The following CAMK4 variants were observed in gnomAD, a reference collection of about 807,000 sequenced individuals.
The protein encoded by CAMK4 is calcium/calmodulin-dependent protein kinase type IV.
A neutral mutation model predicts 44.9 loss-of-function variants in CAMK4; 22 were observed. The ratio of observed to expected loss-of-function variants is 0.49; its 90% CI spans 0.35 to 0.70. CAMK4 has a LOEUF of 0.70. CAMK4 is among the 30% of genes least tolerant of loss of function. The pLI is 0.01. For synonymous variants in CAMK4, 218 were observed against 215.4 expected (o/e 1.01, Z -0.11); for missense variants, 498 against 586.8 (o/e 0.85, Z 1.56).
At chr5:111,355,486 TTTTA>T (rs143763443) in intron 2 of CAMK4, among the ~76,000 whole-genome samples, 3,559 of 146,886 alleles carry the variant, frequency 0.024, 49 homozygotes, top group African/African-American at 0.036. Context: ...TCTGCATTCT[TTTTA>T]TTTATTTATT....
intron 1 of CAMK4, among the ~76,000 whole-genome samples, chr5:111,246,955 AT>A (rs1749269290): frequency 2.6e-5 from 4 of 152,168 alleles, no homozygotes; most frequent in Non-Finnish European, 4.4e-5. Flanking sequence ...GTATCTCATT[AT>A]AGTTATGATG....
In CAMK4 at chr5:111,482,986, T is replaced by A. The variant is rs1397339187; in HGVS notation, c.981+49T>A. ...TGTTTTGTTTTGTTTTCAAAAAATT[T>A]ATCTCATCTTGATCTATCAATAATA... On this transcript the variant is annotated intron_variant, in intron 10 of 10. Transcript: ENST00000282356. The surrounding 1 kb of genome is among the most constrained non-coding windows in gnomAD (Gnocchi z 4.9). 1 of 1,471,602 alleles carries A rather than the reference T, an allele frequency of 6.8e-7. No homozygotes were observed. Among genetic ancestry groups the A allele is most frequent in the Non-Finnish European group, 9.2e-7 (1 of 1,085,448 alleles). The allele number at this position is 1,471,602 out of a possible 1,614,324, so 91.2% of individuals were successfully genotyped here. A position where few individuals can be genotyped will look rare whatever the true frequency, so the allele number is the denominator to read the frequency against.
intron 7 of CAMK4, among the ~76,000 whole-genome samples, chr5:111,466,043 A>C (rs1754816037): frequency 6.6e-6 from 1 of 152,240 alleles, no homozygotes; most frequent in African/African-American, 2.4e-5. Flanking sequence ...GGATGGTTTA[A>C]CATATGCAAG....
rs1755879578 is a variant in CAMK4, at chr5:111,492,402, T to G, written c.*7936T>G. The G allele has an allele frequency of 6.6e-6, 1 of 152,212 alleles. No homozygotes were observed. The allele number at this position is 152,212 out of a possible 1,614,324, so 9.4% of individuals were successfully genotyped here. ...AACTCAGAACAAAAGATATCAATCT[T>G]CTGCCAGTCCGCATCATTATGTGTA... On this transcript the variant is annotated 3_prime_UTR_variant, in exon 11 of 11. Coordinates refer to ENST00000282356, the MANE Select transcript of CAMK4 (RefSeq NM_001744.6).
intron 1 of CAMK4, among the ~76,000 whole-genome samples, chr5:111,341,024 A>T: frequency 6.6e-6 from 1 of 150,740 alleles, no homozygotes; most frequent in Non-Finnish European, 1.5e-5. Context: ...TAGTCTCTTA[A>T]GACCCTTTAC....
intron 1 of CAMK4, among the ~76,000 whole-genome samples, chr5:111,259,857 T>C (rs568992914): frequency 1.3e-5 from 2 of 152,172 alleles, no homozygotes; most frequent in African/African-American, 4.8e-5. Flanking sequence ...TGACAGGTTC[T>C]GGGAGCAGAA....
At chr5:111,303,552 A>C (rs1747823950) in intron 1 of CAMK4, among the ~76,000 whole-genome samples, 1 of 106,670 alleles carries the variant, frequency 9.4e-6, no homozygotes, top group Non-Finnish European at 1.8e-5. Context: ...AGAAAAAAGA[A>C]TAAAAAGAAA....
chr5:111,432,293 C>A (rs80333217), intron 5 of CAMK4, among the ~76,000 whole-genome samples: 1 of 151,806 alleles, frequency 6.6e-6, no homozygotes, highest in African/African-American at 2.4e-5. Flanking sequence ...TTTGTAAGTT[C>A]TAAAAATCAA....
Position 111,482,826 on chromosome 5 carries a change from T to A in CAMK4, c.870T>A (p.Thr290=). 1 of 1,612,446 alleles carries A rather than the reference T, an allele frequency of 6.2e-7. No homozygotes were observed. Among genetic ancestry groups the A allele is most frequent in the South Asian group, 1.1e-5 (1 of 90,694 alleles). ...TTTTGGATCCAAAGAAACGGCTGAC[T>A]ACATTTCAAGCTCTCCAGCATCCGT... is the stretch of plus-strand genomic sequence containing the variant. The part of the protein sequence containing the change: ...LIVLDPKKRL[T]TFQALQHPWV... Residue 290 remains threonine (T), a synonymous_variant, in exon 10 of 11, where the codon ACT becomes ACA. Coordinates refer to ENST00000282356, the MANE Select transcript of CAMK4 (RefSeq NM_001744.6). The surrounding 1 kb of genome is among the most constrained non-coding windows in gnomAD (Gnocchi z 4.9).
intron 1 of CAMK4, among the ~76,000 whole-genome samples, chr5:111,288,723 G>T (rs979593200): frequency 1.3e-5 from 2 of 152,096 alleles, no homozygotes; most frequent in African/African-American, 2.4e-5. Context: ...TCCTGTACTA[G>T]AGAGTGTAGT....
chr5:111,362,154 G>GAATAAC (rs1750617839), intron 2 of CAMK4, among the ~76,000 whole-genome samples: 3 of 151,892 alleles, frequency 2.0e-5, no homozygotes, highest in African/African-American at 7.2e-5. Flanking sequence ...TAATATTCCA[G>GAATAAC]AATAACAATT....
At chr5:111,308,460 A>G (rs538634662) in intron 1 of CAMK4, among the ~76,000 whole-genome samples, 103 of 152,328 alleles carry the variant, frequency 6.8e-4, no homozygotes, top group Non-Finnish European at 1.3e-3. Flanking sequence ...TCCTTTAAAA[A>G]CATTAATTCC....
chr5:111,264,814 A>G (rs988235286), intron 1 of CAMK4, among the ~76,000 whole-genome samples: 1 of 152,098 alleles, frequency 6.6e-6, no homozygotes, highest in Non-Finnish European at 1.5e-5. Context: ...CCCTTTGGAC[A>G]TGGCAATTCC....
rs923390148 is a variant in CAMK4 at position 111,489,521 on chromosome 5, C to G, written c.*5055C>G. 2 of 152,142 alleles carry G rather than the reference C, an allele frequency of 1.3e-5. No homozygotes were observed. The highest frequency in any genetic ancestry group is 2.9e-5 in the Non-Finnish European group (2 of 68,036). 9.4% of individuals were successfully genotyped at this position (152,142 alleles called of 1,614,324 possible). A position where few individuals can be genotyped will look rare whatever the true frequency, so the allele number is the denominator to read the frequency against. On this transcript the variant is annotated 3_prime_UTR_variant, in exon 11 of 11. Transcript: ENST00000282356. ...TTTCATAAATGCTCTGTGATGTACT[C>G]AAGACGATTGGGTTGTGTGATACTA... is the stretch of plus-strand genomic sequence containing the variant.
Position 111,224,471 on chromosome 5 carries a change from T to C in CAMK4, c.-13T>C. The stretch of plus-strand genomic sequence containing the variant: ...GCGGCGGCGGCGGCGGCTTCCGGAG[T>C]CCCGCTGCGAAGATGCTCAAAGTCA... On this transcript the variant is annotated 5_prime_UTR_variant, in exon 1 of 11. Coordinates refer to ENST00000282356, the MANE Select transcript of CAMK4 (RefSeq NM_001744.6). This position sits in a 1 kb window ranked among gnomAD's most constrained non-coding sequence, Gnocchi z 5.7. 2 of 1,584,200 alleles carry C rather than the reference T, an allele frequency of 1.3e-6. No individual in the cohort carries two copies. Among genetic ancestry groups the C allele is most frequent in the South Asian group, 2.3e-5 (2 of 88,330 alleles).
chr5:111,297,834 T>C (rs1420610328), intron 1 of CAMK4, among the ~76,000 whole-genome samples: 1 of 152,226 alleles, frequency 6.6e-6, no homozygotes, highest in East Asian at 1.9e-4. Flanking sequence ...AATACAGTGT[T>C]AATTTCATGA....
intron 5 of CAMK4, among the ~76,000 whole-genome samples, chr5:111,436,768 A>G (rs1364326372): frequency 6.6e-6 from 1 of 152,216 alleles, no homozygotes; most frequent in African/African-American, 2.4e-5. Context: ...TTTCGCTTTA[A>G]TACACTGACC....
intron 5 of CAMK4, among the ~76,000 whole-genome samples, chr5:111,410,687 T>A (rs373587615): frequency 2.0e-5 from 3 of 152,174 alleles, no homozygotes; most frequent in South Asian, 4.1e-4. Flanking sequence ...TATGATGTCT[T>A]TGACCCATAA....
At chr5:111,237,184 A>G (rs1748768089) in intron 1 of CAMK4, among the ~76,000 whole-genome samples, 1 of 152,156 alleles carries the variant, frequency 6.6e-6, no homozygotes, top group Admixed American at 6.5e-5. Flanking sequence ...AGTTGCACCC[A>G]TGGGGTTTCC....
Sources: allele counts gnomAD v4.1 joint callset (sites outside exome capture counted in the v4.1 genomes callset), GRCh38; gene constraint gnomAD v4.1.1; non-coding constraint Gnocchi (gnomAD v3.1); transcripts MANE v1.5; gene names NCBI Gene and HGNC (gene_info 2026-07-23, HGNC 2026-07-21).